The following ADAMTS20 variants were observed in gnomAD, a reference collection of about 807,000 sequenced individuals.
ADAMTS20 encodes A disintegrin and metalloproteinase with thrombospondin motifs 20.
Under a neutral mutation model 260.1 loss-of-function variants are expected in ADAMTS20, and 225 were observed. The observed-to-expected ratio is 0.87, with a 90% CI of 0.78 to 0.97. The LOEUF is 0.97. Ranked by LOEUF, ADAMTS20 falls within the 50% of genes least tolerant of loss-of-function variation. The probability of loss-of-function intolerance (pLI) is 0.00; values close to 1 mark genes in which losing one functional copy is unlikely to be tolerated. For missense variants in ADAMTS20, 2,400 were observed against 2,337.7 expected (o/e 1.03, Z -0.55); for synonymous variants, 802 against 769.5 (o/e 1.04, Z -0.70).
intron 11 of ADAMTS20, among the ~76,000 whole-genome samples, chr12:43,462,051 T>C (rs965995126): frequency 1.3e-5 from 2 of 152,190 alleles, no homozygotes; most frequent in African/African-American, 4.8e-5. Context: ...TGCAAGTGAT[T>C]CAAGAGAAAA....
intron 2 of ADAMTS20, among the ~76,000 whole-genome samples, chr12:43,544,281 T>C (rs1943414215): frequency 6.6e-6 from 1 of 152,202 alleles, no homozygotes; most frequent in Non-Finnish European, 1.5e-5. Flanking sequence ...TAACTAAAAT[T>C]GGTAAAGTAA....
At chr12:43,512,299 A>T in intron 3 of ADAMTS20, among the ~76,000 whole-genome samples, 1 of 149,562 alleles carries the variant, frequency 6.7e-6, no homozygotes, top group Non-Finnish European at 1.5e-5. Flanking sequence ...AACTAATAAA[A>T]TAAAATACCC....
intron 7 of ADAMTS20, among the ~76,000 whole-genome samples, chr12:43,482,275 G>A (rs1167843691): frequency 6.6e-6 from 1 of 152,206 alleles, no homozygotes; most frequent in Non-Finnish European, 1.5e-5. Context: ...CCAGAGGAGC[G>A]AGCCTGAAGT....
intron 29 of ADAMTS20, among the ~76,000 whole-genome samples, chr12:43,392,944 T>C (rs1008832921): frequency 1.3e-5 from 2 of 152,146 alleles, no homozygotes. Context: ...AATTTCTAAA[T>C]GTTATCTCCA....
intron 3 of ADAMTS20, among the ~76,000 whole-genome samples, chr12:43,525,251 G>A (rs908207872): frequency 6.6e-6 from 1 of 152,310 alleles, no homozygotes; most frequent in South Asian, 2.1e-4. Context: ...CAGGACAACT[G>A]TCAGTTAACA....
intron 28 of ADAMTS20, among the ~76,000 whole-genome samples, chr12:43,399,971 G>A (rs1940777292): frequency 6.6e-6 from 1 of 151,982 alleles, no homozygotes; most frequent in Non-Finnish European, 1.5e-5. Flanking sequence ...GGTGACTTTA[G>A]GCACATTTCA....
chr12:43,534,870 G>A (rs1046747599), intron 2 of ADAMTS20, among the ~76,000 whole-genome samples: 1 of 152,092 alleles, frequency 6.6e-6, no homozygotes, highest in Non-Finnish European at 1.5e-5. Context: ...GTGAAACTGG[G>A]TGCATGTAGG....
At chr12:43,439,056 A>G (rs1941609742) in intron 18 of ADAMTS20, among the ~76,000 whole-genome samples, 1 of 152,228 alleles carries the variant, frequency 6.6e-6, no homozygotes, top group South Asian at 2.1e-4. Context: ...AAATATTCAT[A>G]ATTACAGACT....
intron 7 of ADAMTS20, among the ~76,000 whole-genome samples, chr12:43,478,307 G>A (rs575864130): frequency 6.6e-6 from 1 of 151,922 alleles, no homozygotes; most frequent in Non-Finnish European, 1.5e-5. Flanking sequence ...GCTAAAGAGA[G>A]AGCCAAATAT....
intron 2 of ADAMTS20, among the ~76,000 whole-genome samples, chr12:43,540,988 A>ATATT (rs1254068423): frequency 6.6e-6 from 1 of 152,174 alleles, no homozygotes; most frequent in Non-Finnish European, 1.5e-5. Context: ...ATTCATCCAT[A>ATATT]TATTTTTTTC....
intron 2 of ADAMTS20, among the ~76,000 whole-genome samples, chr12:43,545,917 A>G (rs1472027974): frequency 1.3e-5 from 2 of 152,148 alleles, no homozygotes; most frequent in African/African-American, 4.8e-5. Context: ...CTGGACTAAC[A>G]CACACTAGAA....
chr12:43,551,194 A>G lies in ADAMTS20; in HGVS notation c.168T>C (p.Pro56=). ...TCTGCCGGCTGAAGTGGTGGCTCTG[A>G]GGGAACACTTCTCCAAACTCATTGA... is the stretch of plus-strand genomic sequence containing the variant. The part of the protein sequence containing the change: ...ERVNEFGEVF[P]QSHHFSRQKR... Residue 56 remains proline (P), a synonymous_variant, in exon 2 of 39, where the codon CCT becomes CCC. Transcript: ENST00000389420. The surrounding 1 kb of genome is among the most constrained non-coding windows in gnomAD (Gnocchi z 4.6). The G allele has an allele frequency of 6.2e-7, 1 of 1,613,878 alleles. No individual in the cohort carries two copies. The highest frequency in any genetic ancestry group is 8.5e-7 in the Non-Finnish European group (1 of 1,179,872).
intron 37 of ADAMTS20, among the ~76,000 whole-genome samples, chr12:43,356,976 T>C (rs987699124): frequency 7.2e-5 from 11 of 152,292 alleles, no homozygotes; most frequent in African/African-American, 2.6e-4. Context: ...CTATCTAATA[T>C]AATATTATTT....
At chr12:43,483,573 C>A (rs1208240761) in intron 7 of ADAMTS20, among the ~76,000 whole-genome samples, 1 of 152,160 alleles carries the variant, frequency 6.6e-6, no homozygotes, top group Admixed American at 6.5e-5. Flanking sequence ...AGAGTCACAA[C>A]CCCTCTCTAA....
At chr12:43,395,515 A>G (rs1239056032) in intron 29 of ADAMTS20, among the ~76,000 whole-genome samples, 1 of 151,660 alleles carries the variant, frequency 6.6e-6, no homozygotes, top group Non-Finnish European at 1.5e-5. Flanking sequence ...TTGGGTGGGG[A>G]GCACTGGGCA....
intron 2 of ADAMTS20, among the ~76,000 whole-genome samples, chr12:43,542,371 C>T (rs1173868583): frequency 1.3e-5 from 2 of 152,146 alleles, no homozygotes; most frequent in African/African-American, 4.8e-5. Context: ...CACAAAAATA[C>T]ATATAATATC....
At chr12:43,411,945 GTA>G (rs879295937) in intron 28 of ADAMTS20, among the ~76,000 whole-genome samples, 1 of 151,936 alleles carries the variant, frequency 6.6e-6, no homozygotes, top group Non-Finnish European at 1.5e-5. Flanking sequence ...CCTCCTCAAT[GTA>G]TACCATAATA....
At chr12:43,434,823 T>G (rs942678110) in intron 18 of ADAMTS20, among the ~76,000 whole-genome samples, 1 of 152,226 alleles carries the variant, frequency 6.6e-6, no homozygotes, top group Non-Finnish European at 1.5e-5. Context: ...TCTTTCCTGT[T>G]GATTGGCATC....
At position 43,490,433 on chromosome 12, in the gene ADAMTS20, T is replaced by C; in HGVS notation, c.1079A>G (p.Glu360Gly). 7.8e-7 allele frequency: 1 copy of C among 1,288,476 alleles called. No homozygotes were observed. Among genetic ancestry groups the C allele is most frequent in the South Asian group, 1.5e-5 (1 of 64,712 alleles). The allele number at this position is 1,288,476 out of a possible 1,614,324, so 79.8% of individuals were successfully genotyped here. A position where few individuals can be genotyped will look rare whatever the true frequency, so the allele number is the denominator to read the frequency against. The change falls in exon 7 of 39, where the codon GAA becomes GGA. Residue 360 changes from glutamate (E) to glycine (G), a missense_variant and splice_region_variant. Transcript: ENST00000389420. The part of the protein sequence containing the change: ...HHDTAVLITR[E>G]DICSSKEKCN... ...TTTCTCTTTAGATGAACAAATGTCT[T>C]CCCTTAAAATAAAAGATTTATTTTG... is the stretch of plus-strand genomic sequence containing the variant.
Sources: allele counts gnomAD v4.1 joint callset (sites outside exome capture counted in the v4.1 genomes callset), GRCh38; gene constraint gnomAD v4.1.1; non-coding constraint Gnocchi (gnomAD v3.1); transcripts MANE v1.5; gene names NCBI Gene and HGNC (gene_info 2026-07-23, HGNC 2026-07-21).